Variants in JPH3 observed in about 807,000 individuals in gnomAD.
The protein encoded by JPH3 is junctophilin 3, also known as junctophilin-3.
JPH3 carries 11 observed loss-of-function variants against 59.6 expected under a neutral mutation model. That is an observed-to-expected ratio of 0.18 (90% CI 0.12 to 0.31). The LOEUF is 0.31. Ranked by LOEUF, JPH3 falls within the 10% of genes least tolerant of loss-of-function variation. JPH3 has a pLI of 1.00. For missense variants in JPH3, 1,202 were observed against 1,105.7 expected (o/e 1.09, Z -1.24); for synonymous variants, 673 against 483.6 (o/e 1.39, Z -5.14).
At chr16:87,665,970 ACC>A (rs2032847673) in intron 2 of JPH3, among the ~76,000 whole-genome samples, 1 of 152,046 alleles carries the variant, frequency 6.6e-6, no homozygotes, top group African/African-American at 2.4e-5. Context: ...GCACCTCCTC[ACC>A]AGGTACTAAA....
intron 1 of JPH3, among the ~76,000 whole-genome samples, chr16:87,641,951 C>A (rs1244545438): frequency 2.6e-5 from 4 of 152,184 alleles, no homozygotes; most frequent in African/African-American, 7.2e-5. Flanking sequence ...GGCTCTGGGC[C>A]CGGGCCCTGG....
At chr16:87,674,269 G>C (rs1448362335) in intron 2 of JPH3, among the ~76,000 whole-genome samples, 1 of 152,166 alleles carries the variant, frequency 6.6e-6, no homozygotes, top group African/African-American at 2.4e-5. Flanking sequence ...GGGAGGTGGA[G>C]CTTGCAGTGA....
At chr16:87,695,524 G>A (rs1305790364) in intron 4 of JPH3, 1 of 454,868 alleles carries the variant, frequency 2.2e-6, no homozygotes, top group African/African-American at 2.0e-5. Context: ...GCGAGATGCA[G>A]GGCGTGGTGG....
Position 87,684,208 on chromosome 16 carries a change from G to C in JPH3, c.1227G>C (p.Ala409=). The C allele has an allele frequency of 6.2e-7, 1 of 1,613,984 alleles. No individual in the cohort carries two copies. The highest frequency in any genetic ancestry group is 8.5e-7 in the Non-Finnish European group (1 of 1,180,028). ...CAGCTCAGAAAGCCCAGGAGGAGGC[G>C]CGGATCGCCAGGATCACTGCCAAAG... ...LTAAQKAQEE[A]RIARITAKEF... Residue 409 remains alanine (A), a synonymous_variant, in exon 3 of 5, where the codon GCG becomes GCC. Coordinates refer to ENST00000284262, the MANE Select transcript of JPH3 (RefSeq NM_020655.4).
intron 2 of JPH3, among the ~76,000 whole-genome samples, chr16:87,667,339 G>A (rs2032895725): frequency 6.6e-6 from 1 of 152,246 alleles, no homozygotes; most frequent in Non-Finnish European, 1.5e-5. Context: ...TTAGGACGTG[G>A]ACCTACCTTG....
At chr16:87,620,868 CTGGGCCCCTGGGCT>C (rs1284377994) in intron 1 of JPH3, among the ~76,000 whole-genome samples, 1 of 152,180 alleles carries the variant, frequency 6.6e-6, no homozygotes, top group Admixed American at 6.5e-5. Flanking sequence ...TCGAAAGAAA[CTGGGCCCCTGGGCT>C]GGGTACGGTG....
chr16:87,647,336 G>T (rs1452082548), intron 2 of JPH3, among the ~76,000 whole-genome samples: 1 of 151,890 alleles, frequency 6.6e-6, no homozygotes, highest in African/African-American at 2.4e-5. Flanking sequence ...GGCATGGCCA[G>T]CATCCCTGTG....
chr16:87,671,144 C>T (rs918925426), intron 2 of JPH3, among the ~76,000 whole-genome samples: 10 of 152,156 alleles, frequency 6.6e-5, no homozygotes, highest in African/African-American at 2.4e-4. Context: ...TTAGGGAGTC[C>T]AGCGAGACAA....
At chr16:87,623,421 G>A (rs2031261306) in intron 1 of JPH3, among the ~76,000 whole-genome samples, 1 of 152,214 alleles carries the variant, frequency 6.6e-6, no homozygotes, top group South Asian at 2.1e-4. Context: ...CCTATCCTGG[G>A]ATGTTTGCTC....
chr16:87,604,145 C>A, intron 1 of JPH3: 2 of 1,357,908 alleles, frequency 1.5e-6, no homozygotes, highest in Non-Finnish European at 1.9e-6. Flanking sequence ...GGAGGGAGGC[C>A]CATCTGCTCA....
chr16:87,652,613 G>A (rs2032360120), intron 2 of JPH3, among the ~76,000 whole-genome samples: 1 of 152,188 alleles, frequency 6.6e-6, no homozygotes, highest in Admixed American at 6.5e-5. Flanking sequence ...GAGGGTGCAC[G>A]CAGCTGGGCT....
At chr16:87,639,477 G>T (rs1203559265) in intron 1 of JPH3, among the ~76,000 whole-genome samples, 1 of 152,126 alleles carries the variant, frequency 6.6e-6, no homozygotes, top group Non-Finnish European at 1.5e-5. Context: ...TCATCTTCAC[G>T]TGTGCCGTTC....
intron 1 of JPH3, among the ~76,000 whole-genome samples, chr16:87,610,922 A>G (rs1597233472): frequency 6.6e-6 from 1 of 152,220 alleles, no homozygotes; most frequent in South Asian, 2.1e-4. Context: ...ATTCCTCACT[A>G]TCTTTTTACT....
chr16:87,665,448 T>C (rs925060121), intron 2 of JPH3, among the ~76,000 whole-genome samples: 1 of 152,202 alleles, frequency 6.6e-6, no homozygotes, highest in Non-Finnish European at 1.5e-5. Flanking sequence ...TTTAGGTCTG[T>C]AGGAGTAATC....
intron 2 of JPH3, among the ~76,000 whole-genome samples, chr16:87,657,858 C>G (rs932045204): frequency 6.6e-6 from 1 of 152,182 alleles, no homozygotes; most frequent in African/African-American, 2.4e-5. Flanking sequence ...AAATGTAGTC[C>G]TTAGTCTGGG....
At chr16:87,632,892 CAAAA>C (rs59476481) in intron 1 of JPH3, among the ~76,000 whole-genome samples, 2 of 128,820 alleles carry the variant, frequency 1.6e-5, no homozygotes, top group Non-Finnish European at 3.4e-5. Flanking sequence ...GACTCTGTCT[CAAAA>C]AAAAAAAAAA....
intron 3 of JPH3, among the ~76,000 whole-genome samples, chr16:87,688,816 T>C (rs992583541): frequency 2.6e-5 from 4 of 152,166 alleles, no homozygotes; most frequent in Non-Finnish European, 4.4e-5. Flanking sequence ...TTTCTCCTAA[T>C]GGAATAAAGT....
At chr16:87,667,822 G>GTTTTGTTTTGT (rs2032911150) in intron 2 of JPH3, among the ~76,000 whole-genome samples, 1 of 150,940 alleles carries the variant, frequency 6.6e-6, no homozygotes, top group Non-Finnish European at 1.5e-5. Context: ...GTTTTGTTTT[G>GTTTTGTTTTGT]TTTTGTTTTG....
intron 2 of JPH3, among the ~76,000 whole-genome samples, chr16:87,645,941 A>G (rs1230046582): frequency 6.6e-6 from 1 of 152,242 alleles, no homozygotes; most frequent in African/African-American, 2.4e-5. Flanking sequence ...TTGGGAAGGC[A>G]TTTCAGAAAA....
Sources: allele counts gnomAD v4.1 joint callset (sites outside exome capture counted in the v4.1 genomes callset), GRCh38; gene constraint gnomAD v4.1.1; transcripts MANE v1.5; gene names NCBI Gene and HGNC (gene_info 2026-07-23, HGNC 2026-07-21).